PDGFB: variants seen among roughly 807,000 people sequenced by gnomAD.
PDGFB encodes platelet-derived growth factor subunit B.
PDGFB carries 6 observed loss-of-function variants against 29.0 expected under a neutral mutation model. The observed-to-expected ratio is 0.21, with a 90% CI of 0.11 to 0.41. The LOEUF (loss-of-function observed/expected upper bound fraction) is 0.41. Among genes scored for constraint, PDGFB ranks in the 10% least tolerant of loss-of-function variants. The pLI is 1.00. For synonymous variants in PDGFB, 144 were observed against 140.8 expected, an observed-to-expected ratio of 1.02 and a Z score of -0.16; for missense variants, 299 against 341.8, an observed-to-expected ratio of 0.87 and a Z score of 0.99.
At chr22:39,239,055 G>A (rs975924251) in intron 1 of PDGFB, among the ~76,000 whole-genome samples, 2 of 152,226 alleles carry the variant, frequency 1.3e-5, no homozygotes, top group Non-Finnish European at 2.9e-5. Context: ...CTCGGCTTCT[G>A]CATCTTTTAA....
chr22:39,240,831 G>A lies in PDGFB; in HGVS notation c.63+3070C>T, dbSNP rs201091521. 6.8e-6 allele frequency: 11 copies of A among 1,613,320 alleles called. No homozygotes were observed. The East Asian group carries it at 2.2e-4, about 33-fold the overall frequency. On this transcript the variant is annotated intron_variant, in intron 1 of 6. Transcript: ENST00000331163. The stretch of plus-strand genomic sequence containing the variant: ...AGGCTCCTCAATGTGGGGAGGGGAA[G>A]ACAAGACGTGGAGAGGTACTTACGA...
Position 39,242,466 on chromosome 22 carries a change from C to T in PDGFB, c.63+1435G>A, listed in dbSNP as rs1932589903. On this transcript the variant is annotated intron_variant, in intron 1 of 6. Coordinates refer to ENST00000331163, the MANE Select transcript of PDGFB (RefSeq NM_002608.4). The surrounding 1 kb of genome is among the most constrained non-coding windows in gnomAD (Gnocchi z 5.7). ...CCCTCCCCAACAGCTGGCCGCGGCC[C>T]GGGGGGCTGCGGGAGAGGCGGAGAG... is the stretch of plus-strand genomic sequence containing the variant. Among the ~76,000 whole-genome samples the T allele has an allele frequency of 6.7e-6, 1 of 150,074 alleles. No individual in the cohort carries two copies. The highest frequency in any genetic ancestry group is 1.5e-5 in the Non-Finnish European group (1 of 67,254).
At chr22:39,238,230 A>G (rs1159696311) in intron 1 of PDGFB, among the ~76,000 whole-genome samples, 1 of 152,116 alleles carries the variant, frequency 6.6e-6, no homozygotes, top group Non-Finnish European at 1.5e-5. Flanking sequence ...CTCGGTAAAT[A>G]CTGGTCAAAT....
At position 39,223,928 on chromosome 22, in the gene PDGFB, C is replaced by T. The variant is rs1389199269; in HGVS notation, c.*1414G>A. On this transcript the variant is annotated 3_prime_UTR_variant, in exon 7 of 7. Transcript: ENST00000331163. ...CCTTCTCTCCCCCATTCCCAGCCCA[C>T]GAGCTGGTTTCCTAGGAGGAGCCAC... is the stretch of plus-strand genomic sequence containing the variant. 2.6e-5 allele frequency: 4 copies of T among 152,174 alleles called. No homozygotes were observed. The highest frequency in any genetic ancestry group is 5.9e-5 in the Non-Finnish European group (4 of 68,026). The allele number at this position is 152,174 out of a possible 1,614,324, so 9.4% of individuals were successfully genotyped here. A position where few individuals can be genotyped will look rare whatever the true frequency, so the allele number is the denominator to read the frequency against.
intron 1 of PDGFB, among the ~76,000 whole-genome samples, chr22:39,241,430 C>G (rs2146455293): frequency 6.6e-6 from 1 of 152,388 alleles, no homozygotes; most frequent in African/African-American, 2.4e-5. Flanking sequence ...GCCTGAGGCT[C>G]ACTCAGGCTT....
At chr22:39,233,650 GC>G (rs1932368593) in intron 2 of PDGFB, 126 bp from the exon 3 acceptor site, 1 of 590,060 alleles carries the variant, frequency 1.7e-6, no homozygotes. Context: ...CCTCCTTCCA[GC>G]CCCCATAAAT....
intron 1 of PDGFB, among the ~76,000 whole-genome samples, chr22:39,240,349 CTT>C (rs111732285): frequency 1.4e-5 from 2 of 147,860 alleles, no homozygotes. Flanking sequence ...TTCTCTCTCT[CTT>C]TTTTTTTTTA....
chr22:39,228,609 C>T (rs180855459), intron 5 of PDGFB, among the ~76,000 whole-genome samples: 9 of 152,154 alleles, frequency 5.9e-5, no homozygotes, highest in Non-Finnish European at 1.2e-4. Flanking sequence ...AAGAAAGAGG[C>T]TGGGCGTGGT....
In PDGFB at chr22:39,230,592, G is replaced by T. The variant is rs147231356; in HGVS notation, c.457-364C>A. Among the ~76,000 whole-genome samples, 542 of 152,346 alleles carry T rather than the reference G, an allele frequency of 3.6e-3. 2 individuals carry two copies. The highest frequency in any genetic ancestry group is 6.2e-3 in the Non-Finnish European group (419 of 68,038). On this transcript the variant is annotated intron_variant, in intron 4 of 6. Coordinates refer to ENST00000331163, the MANE Select transcript of PDGFB (RefSeq NM_002608.4). ...GGGAGATGGTTGTCTGGAAGGAAGT[G>T]GGGGGAGGCTTCATCTAGGAGGGAG...
intron 1 of PDGFB, among the ~76,000 whole-genome samples, chr22:39,237,474 G>A (rs9607626): frequency 0.017 from 2,569 of 152,204 alleles, 41 homozygotes; most frequent in Middle Eastern, 0.031. Flanking sequence ...TTCAATATCC[G>A]GGCAGCCAGG....
At chr22:39,228,656 A>AG (rs1161401499) in intron 5 of PDGFB, among the ~76,000 whole-genome samples, 1 of 152,180 alleles carries the variant, frequency 6.6e-6, no homozygotes, top group Non-Finnish European at 1.5e-5. Flanking sequence ...TGGGAGGCCG[A>AG]GGCAGGTGGA....
At chr22:39,237,842 T>C (rs560690770) in intron 1 of PDGFB, among the ~76,000 whole-genome samples, 1 of 152,346 alleles carries the variant, frequency 6.6e-6, no homozygotes, top group South Asian at 2.1e-4. Context: ...TTGAAGAACA[T>C]TCGATTCAAT....
At chr22:39,230,858 C>T (rs1416077339) in intron 4 of PDGFB, among the ~76,000 whole-genome samples, 1 of 152,216 alleles carries the variant, frequency 6.6e-6, no homozygotes, top group East Asian at 1.9e-4. Flanking sequence ...GAAATGCGCA[C>T]TGCCCAGCCT....
intron 1 of PDGFB, among the ~76,000 whole-genome samples, chr22:39,239,341 C>T (rs975353509): frequency 6.6e-6 from 1 of 152,034 alleles, no homozygotes; most frequent in Non-Finnish European, 1.5e-5. Flanking sequence ...GGAAATGGTA[C>T]CCTACCTCCA....
rs1300531740 is a variant in PDGFB at position 39,244,389 on chromosome 22, A to G, written c.-426T>C. 5.3e-6 allele frequency: 1 copy of G among 189,986 alleles called. No individual in the cohort carries two copies. 11.8% of individuals were successfully genotyped at this position (189,986 alleles called of 1,614,324 possible). A position where few individuals can be genotyped will look rare whatever the true frequency, so the allele number is the denominator to read the frequency against. ...GGCGTTTTCCTCTGCCCGCCGGCTT[A>G]GCTTTTTTGCAACATTTTCTGGAAA... On this transcript the variant is annotated 5_prime_UTR_variant, in exon 1 of 7. An upstream open reading frame in the 5' UTR loses its in-frame stop. Coordinates refer to ENST00000331163, the MANE Select transcript of PDGFB (RefSeq NM_002608.4). This position sits in a 1 kb window ranked among gnomAD's most constrained non-coding sequence, Gnocchi z 4.5.
chr22:39,242,520 C>T lies in PDGFB; in HGVS notation c.63+1381G>A, dbSNP rs1932590897. On this transcript the variant is annotated intron_variant, in intron 1 of 6. Coordinates refer to ENST00000331163, the MANE Select transcript of PDGFB (RefSeq NM_002608.4). This position sits in a 1 kb window ranked among gnomAD's most constrained non-coding sequence, Gnocchi z 5.7. ...GCGTCGGGAGGGGCCTGAAGGCGGC[C>T]CGGCCGAGCCCCGCGTCCTCCCTCC... 6.6e-6 allele frequency among the ~76,000 whole-genome samples: 1 copy of T among 150,564 alleles called. No homozygotes were observed. The highest frequency in any genetic ancestry group is 2.4e-5 in the African/African-American group (1 of 41,326).
At position 39,230,190 on chromosome 22, in the gene PDGFB, A is replaced by C; in HGVS notation, c.495T>G (p.Phe165Leu). The C allele has an allele frequency of 1.2e-6, 2 of 1,614,054 alleles. No individual in the cohort carries two copies. The highest frequency in any genetic ancestry group is 1.7e-6 in the Non-Finnish European group (2 of 1,180,028). The change falls in exon 5 of 7, where the codon TTT (phenylalanine) becomes TTG (leucine). Residue 165 changes from phenylalanine (F) to leucine (L), a missense_variant. Physicochemically the swap from Phe to Leu is conservative, Grantham distance 22. Coordinates refer to ENST00000331163, the MANE Select transcript of PDGFB (RefSeq NM_002608.4). ...CTTCCAGCGTCACCGTGGCCTTCTTAAAGATTGGCTTCTTCCGCACAATCT... is the reference window on the plus strand; with the variant it reads ...CTTCCAGCGTCACCGTGGCCTTCTTCAAGATTGGCTTCTTCCGCACAATCT... ...KIEIVRKKPI[F>L]KKATVTLEDH... is the part of the protein sequence containing the mutation.
intron 5 of PDGFB, among the ~76,000 whole-genome samples, chr22:39,229,504 G>A (rs771726410): frequency 1.8e-4 from 27 of 152,144 alleles, no homozygotes; most frequent in Non-Finnish European, 3.1e-4. Context: ...TCAAGGATAC[G>A]AGAAATTCGT....
intron 5 of PDGFB, among the ~76,000 whole-genome samples, chr22:39,229,060 A>G (rs567907611): frequency 1.3e-5 from 2 of 152,262 alleles, no homozygotes; most frequent in South Asian, 4.2e-4. Context: ...ATGCCAAGAA[A>G]TGGCTCCGTC....
Sources: allele counts gnomAD v4.1 joint callset (sites outside exome capture counted in the v4.1 genomes callset), GRCh38; gene constraint gnomAD v4.1.1; non-coding constraint Gnocchi (gnomAD v3.1); transcripts MANE v1.5; gene names NCBI Gene and HGNC (gene_info 2026-07-23, HGNC 2026-07-21).